FBXO36: variants seen among roughly 807,000 people sequenced by gnomAD.
FBXO36 encodes the protein F-box protein 36.
In FBXO36, 18 loss-of-function variants were observed where a neutral mutation model predicts 17.0. The ratio of observed to expected loss-of-function variants is 1.06; its 90% CI spans 0.73 to 1.57. FBXO36 has a LOEUF of 1.57. Ranked by LOEUF, FBXO36 falls within the 40% of genes most tolerant of loss-of-function variation. The probability of loss-of-function intolerance (pLI) is 0.00; values close to 1 mark genes in which losing one functional copy is unlikely to be tolerated. For missense variants in FBXO36, 229 were observed against 221.9 expected (o/e 1.03, Z -0.20); for synonymous variants, 83 against 85.3 (o/e 0.97, Z 0.15).
rs540909624 is a variant in FBXO36, at chr2:230,012,923, A to G, written c.*2039A>G. 3.3e-5 allele frequency: 5 copies of G among 151,496 alleles called. No homozygotes were observed. The highest frequency in any genetic ancestry group is 6.6e-5 in the Admixed American group (1 of 15,206). 9.4% of individuals were successfully genotyped at this position (151,496 alleles called of 1,614,324 possible). A position where few individuals can be genotyped will look rare whatever the true frequency, so the allele number is the denominator to read the frequency against. On this transcript the variant is annotated 3_prime_UTR_variant, in exon 4 of 4. Coordinates refer to ENST00000283946, the MANE Select transcript of FBXO36 (RefSeq NM_174899.5). ...ATAAATATGGCAATTTGAAAACACT[A>G]TGTATATACCTACTCACATATATAT...
At chr2:230,005,497 G>GA (rs1216606429) in intron 3 of FBXO36, among the ~76,000 whole-genome samples, 27 of 152,112 alleles carry the variant, frequency 1.8e-4, no homozygotes, top group African/African-American at 6.0e-4. Context: ...TTTATCTGTA[G>GA]AAAAAATTGC....
In FBXO36 at chr2:229,922,530, C is replaced by G; in HGVS notation, c.17C>G (p.Pro6Arg). MASWLPETLFETVGQG... is the reference protein window; with the variant it reads MASWLRETLFETVGQG... ...CGTCCCAAGATGGCGTCGTGGCTGC[C>G]GGAGACTCTCTTTGAAACTGTAGGA... Residue 6 changes from proline (P) to arginine (R), a missense_variant, in exon 1 of 4, where the codon CCG becomes CGG. Transcript: ENST00000283946. The G allele has an allele frequency of 2.5e-6, 4 of 1,613,784 alleles. No homozygotes were observed. The highest frequency in any genetic ancestry group is 4.5e-5 in the East Asian group (2 of 44,870).
chr2:229,999,285 C>A (rs1288198263), intron 3 of FBXO36, among the ~76,000 whole-genome samples: 1 of 151,194 alleles, frequency 6.6e-6, no homozygotes, highest in Non-Finnish European at 1.5e-5. Flanking sequence ...CACCATCATG[C>A]CCAGCTAATT....
intron 2 of FBXO36, among the ~76,000 whole-genome samples, chr2:229,987,941 T>C (rs57594845): frequency 0.21 from 32,391 of 152,118 alleles, 3,684 homozygotes; most frequent in East Asian, 0.44. Context: ...GCCTAAATCA[T>C]TGTTTAGAGC....
intron 2 of FBXO36, 198 bp downstream of exon 2, chr2:229,976,547 G>A (rs924804467): frequency 3.4e-5 from 16 of 466,076 alleles, no homozygotes; most frequent in African/African-American, 2.0e-4. Flanking sequence ...TTGGCCGGGC[G>A]CGGTCGCTCA....
At chr2:229,972,288 G>A (rs1188660007) in intron 1 of FBXO36, among the ~76,000 whole-genome samples, 3 of 152,028 alleles carry the variant, frequency 2.0e-5, no homozygotes, top group Non-Finnish European at 2.9e-5. Flanking sequence ...ATGAGCCACC[G>A]TGCCCGGCCT....
intron 3 of FBXO36, among the ~76,000 whole-genome samples, chr2:229,998,680 A>C (rs2077340814): frequency 6.6e-6 from 1 of 150,728 alleles, no homozygotes; most frequent in African/African-American, 2.4e-5. Context: ...AGTCCCAGTT[A>C]CTCTGGAGGC....
In FBXO36 at chr2:229,996,925, T is replaced by C. The variant is rs754369086; in HGVS notation, c.378+2T>C. On this transcript the variant is annotated splice_donor_variant, in intron 3 of 3. Transcript: ENST00000283946. LOFTEE classifies it high-confidence loss of function. ...CAAACATCACACAGATTTGCAAAGG[T>C]AACGGTCAATTATTTTATGTCTATA... is the stretch of plus-strand genomic sequence containing the variant. 6.2e-7 allele frequency: 1 copy of C among 1,605,658 alleles called. No homozygotes were observed. The highest frequency in any genetic ancestry group is 8.5e-7 in the Non-Finnish European group (1 of 1,177,706).
intron 1 of FBXO36, 115 bp downstream of exon 1, chr2:229,922,724 T>C: frequency 9.6e-7 from 1 of 1,044,556 alleles, no homozygotes; most frequent in Non-Finnish European, 1.4e-6. Context: ...AAGCGCCCAG[T>C]CCCGGCTCCG....
At chr2:229,954,279 GCT>G (rs2077073355) in intron 1 of FBXO36, among the ~76,000 whole-genome samples, 1 of 87,994 alleles carries the variant, frequency 1.1e-5, no homozygotes, top group Admixed American at 1.9e-4. Flanking sequence ...GTCTCACTCT[GCT>G]TCCCAGGCTG....
intron 1 of FBXO36, among the ~76,000 whole-genome samples, chr2:229,951,687 G>A (rs1235306849): frequency 6.7e-6 from 1 of 148,410 alleles, no homozygotes; most frequent in Admixed American, 6.9e-5. Context: ...GGATGATGGG[G>A]CATTTAGAAG....
intron 1 of FBXO36, among the ~76,000 whole-genome samples, chr2:229,936,492 TATAAAG>T (rs1485466855): frequency 6.6e-6 from 1 of 152,200 alleles, no homozygotes; most frequent in East Asian, 1.9e-4. Flanking sequence ...AGGGGCATTT[TATAAAG>T]ATAGATTGTT....
At chr2:229,993,103 A>G (rs1283948113) in intron 2 of FBXO36, among the ~76,000 whole-genome samples, 2 of 152,154 alleles carry the variant, frequency 1.3e-5, no homozygotes, top group African/African-American at 4.8e-5. Flanking sequence ...CTGGCATAAC[A>G]TTATGAGACA....
chr2:229,923,851 T>G, intron 1 of FBXO36, among the ~76,000 whole-genome samples: 1 of 135,454 alleles, frequency 7.4e-6, no homozygotes, highest in Non-Finnish European at 1.6e-5. Flanking sequence ...GGTGTTGTTT[T>G]TTTTTTTTTT....
At position 229,932,399 on chromosome 2, in the gene FBXO36, A is replaced by G. The variant is rs532285008; in HGVS notation, c.96+9790A>G. 2.2e-4 allele frequency among the ~76,000 whole-genome samples: 33 copies of G among 152,250 alleles called. No homozygotes were observed. In the East Asian group the frequency reaches 6.4e-3, roughly 29 times the overall value. On this transcript the variant is annotated intron_variant, in intron 1 of 3. Transcript: ENST00000283946. ...GCCTGGTGTAGTGGTGGGTGCCTGTAATCCCAGCTACTCAGAGGGCTGAGG... is the reference window on the plus strand; with the variant it reads ...GCCTGGTGTAGTGGTGGGTGCCTGTGATCCCAGCTACTCAGAGGGCTGAGG...
intron 3 of FBXO36, among the ~76,000 whole-genome samples, chr2:230,003,729 T>C (rs897300947): frequency 6.6e-6 from 1 of 152,206 alleles, no homozygotes; most frequent in Non-Finnish European, 1.5e-5. Flanking sequence ...AGACAGGGTT[T>C]CGCCATGTTG....
At chr2:229,932,912 TA>T in intron 1 of FBXO36, 2 of 313,544 alleles carry the variant, frequency 6.4e-6, no homozygotes, top group Non-Finnish European at 6.7e-6. Flanking sequence ...TAATAAAAAC[TA>T]AAAATTAGCC....
At chr2:229,953,056 G>A (rs1560438382) in intron 1 of FBXO36, among the ~76,000 whole-genome samples, 1 of 152,176 alleles carries the variant, frequency 6.6e-6, no homozygotes, top group Non-Finnish European at 1.5e-5. Context: ...AAAAGAAAAC[G>A]GCCGGGTGCG....
At chr2:230,010,631 C>G (rs979911356) in intron 3 of FBXO36, 65 bp from the exon 4 acceptor site, 2 of 1,438,400 alleles carry the variant, frequency 1.4e-6, no homozygotes, top group Non-Finnish European at 1.9e-6. Flanking sequence ...CCACAGGCAG[C>G]AAGAGTTTGA....
Sources: gnomAD v4.1 joint callset for allele counts (sites outside exome capture counted in the v4.1 genomes callset) on GRCh38, gnomAD v4.1.1 for gene constraint, MANE v1.5 for transcripts, NCBI Gene and HGNC (gene_info 2026-07-23, HGNC 2026-07-21) for gene names.